The following PDZRN4 variants were observed in gnomAD, a reference collection of about 807,000 sequenced individuals.
PDZRN4 encodes the protein PDZ domain-containing RING finger protein 4.
In PDZRN4, 70 loss-of-function variants were observed where a neutral mutation model predicts 99.0. That is an observed-to-expected ratio of 0.71 (90% CI 0.58 to 0.86). The LOEUF is 0.86. Ranked by LOEUF, PDZRN4 falls within the 40% of genes least tolerant of loss-of-function variation. The probability of loss-of-function intolerance (pLI) is 0.00; values close to 1 mark genes in which losing one functional copy is unlikely to be tolerated. For synonymous variants in PDZRN4, 551 were observed against 501.6 expected (o/e 1.10, Z -1.32); for missense variants, 1,474 against 1,331.2 (o/e 1.11, Z -1.67).
chr12:41,491,448 T>TGA (rs1274037481), intron 3 of PDZRN4, among the ~76,000 whole-genome samples: 2 of 152,006 alleles, frequency 1.3e-5, no homozygotes, highest in African/African-American at 4.8e-5. Flanking sequence ...CTTGAACCTG[T>TGA]GAGGTGGAGG....
chr12:41,507,340 T>G (rs1017907066), intron 4 of PDZRN4, among the ~76,000 whole-genome samples: 12 of 152,184 alleles, frequency 7.9e-5, no homozygotes, highest in Non-Finnish European at 1.6e-4. Context: ...AGAGAGATTT[T>G]ATTCAAATAA....
chr12:41,546,702 A>T (rs2042404185), intron 5 of PDZRN4, among the ~76,000 whole-genome samples: 1 of 152,202 alleles, frequency 6.6e-6, no homozygotes, highest in Admixed American at 6.5e-5. Flanking sequence ...GCATAAGGAG[A>T]CAGGAGTGAG....
chr12:41,497,074 T>G (rs1230879099), intron 3 of PDZRN4, among the ~76,000 whole-genome samples: 2 of 152,146 alleles, frequency 1.3e-5, no homozygotes, highest in Admixed American at 6.6e-5. Flanking sequence ...AATAGGTATT[T>G]TCCAGCTAGT....
At chr12:41,202,935 A>G (rs781237888) in intron 3 of PDZRN4, among the ~76,000 whole-genome samples, 7 of 152,056 alleles carry the variant, frequency 4.6e-5, no homozygotes, top group Non-Finnish European at 1.0e-4. Flanking sequence ...AGGTGATTTG[A>G]TGTTTTATTT....
chr12:41,313,863 T>A (rs1048104652), intron 3 of PDZRN4, among the ~76,000 whole-genome samples: 2 of 152,228 alleles, frequency 1.3e-5, no homozygotes, highest in African/African-American at 2.4e-5. Context: ...CTACCATCTG[T>A]ATTCTCCAAA....
intron 3 of PDZRN4, among the ~76,000 whole-genome samples, chr12:41,369,447 C>T (rs1232933718): frequency 6.6e-6 from 1 of 151,968 alleles, no homozygotes; most frequent in Non-Finnish European, 1.5e-5. Flanking sequence ...TTCTTTGTTG[C>T]TAATAACCCT....
chr12:41,204,473 G>C (rs1950835359), intron 3 of PDZRN4, among the ~76,000 whole-genome samples: 1 of 152,118 alleles, frequency 6.6e-6, no homozygotes, highest in South Asian at 2.1e-4. Context: ...TTTGGAGCCT[G>C]TATTAGTCCA....
chr12:41,510,858 T>A (rs541657648), intron 5 of PDZRN4, among the ~76,000 whole-genome samples: 134 of 152,236 alleles, frequency 8.8e-4, no homozygotes, highest in African/African-American at 2.5e-3. Flanking sequence ...CAGAAATCAT[T>A]ATTTCTTTGC....
intron 7 of PDZRN4, among the ~76,000 whole-genome samples, chr12:41,562,531 T>C (rs1190760183): frequency 1.3e-5 from 2 of 152,160 alleles, no homozygotes; most frequent in African/African-American, 2.4e-5. Context: ...ATCTCTTTAA[T>C]TGGAATTTCT....
At chr12:41,430,126 A>T (rs572117132) in intron 3 of PDZRN4, among the ~76,000 whole-genome samples, 29 of 152,214 alleles carry the variant, frequency 1.9e-4, no homozygotes, top group Admixed American at 9.8e-4. Context: ...AGATGCCATT[A>T]TTGGTTTCTA....
chr12:41,346,237 C>A (rs1031467310), intron 3 of PDZRN4, among the ~76,000 whole-genome samples: 1 of 152,044 alleles, frequency 6.6e-6, no homozygotes, highest in African/African-American at 2.4e-5. Flanking sequence ...CCGAGGCGGG[C>A]AGATCACGAG....
intron 3 of PDZRN4, among the ~76,000 whole-genome samples, chr12:41,433,605 A>T (rs779473233): frequency 2.6e-5 from 4 of 152,320 alleles, no homozygotes; most frequent in Admixed American, 6.5e-5. Context: ...GGGTAAAGAG[A>T]GGGTAATCAA....
At chr12:41,419,631 A>G (rs1952473662) in intron 3 of PDZRN4, among the ~76,000 whole-genome samples, 2 of 152,138 alleles carry the variant, frequency 1.3e-5, no homozygotes, top group East Asian at 3.9e-4. Flanking sequence ...CTTTCTCACC[A>G]TGGGGGTTTT....
chr12:41,333,236 G>A (rs1258205563), intron 3 of PDZRN4, among the ~76,000 whole-genome samples: 1 of 152,120 alleles, frequency 6.6e-6, no homozygotes, highest in Non-Finnish European at 1.5e-5. Context: ...ACAGGTCATC[G>A]TGGGTCTCTG....
rs559763667 is a variant in PDZRN4, at chr12:41,573,782, G to T, written c.3003G>T (p.Lys1001Asn). The part of the protein sequence containing the change: ...SHKKMMKKRN[K>N]KILDNWMTIQ... ...AAAAGATGATGAAAAAGAGAAACAAGAAAATTTTGGACAACTGGATGACAA... is the reference window on the plus strand; with the variant it reads ...AAAAGATGATGAAAAAGAGAAACAATAAAATTTTGGACAACTGGATGACAA... The change falls in exon 10 of 10, where the codon AAG (lysine) becomes AAT (asparagine). Residue 1001 changes from lysine to asparagine, a missense_variant. By Grantham distance (94) the Lys-to-Asn change is moderately conservative (BLOSUM62 0). Coordinates refer to ENST00000402685, the MANE Select transcript of PDZRN4 (RefSeq NM_001164595.2). The T allele has an allele frequency of 1.9e-6, 3 of 1,613,662 alleles. No individual in the cohort carries two copies. The highest frequency in any genetic ancestry group is 1.7e-5 in the Admixed American group (1 of 59,940).
intron 7 of PDZRN4, among the ~76,000 whole-genome samples, chr12:41,562,731 T>C (rs911410688): frequency 6.6e-6 from 1 of 152,110 alleles, no homozygotes; most frequent in Non-Finnish European, 1.5e-5. Context: ...TTACTTTTTC[T>C]TTAGAACTTA....
chr12:41,189,572 C>G (rs1950722608), intron 1 of PDZRN4, among the ~76,000 whole-genome samples: 1 of 152,174 alleles, frequency 6.6e-6, no homozygotes, highest in African/African-American at 2.4e-5. Context: ...GCACGCACAC[C>G]TGGGACTGGT....
chr12:41,394,605 C>T (rs991581439), intron 3 of PDZRN4, among the ~76,000 whole-genome samples: 1 of 152,144 alleles, frequency 6.6e-6, no homozygotes, highest in South Asian at 2.1e-4. Context: ...GCTGCAATCG[C>T]ATCTGAAGAT....
At chr12:41,549,041 T>C (rs1325373607) in intron 5 of PDZRN4, among the ~76,000 whole-genome samples, 1 of 152,132 alleles carries the variant, frequency 6.6e-6, no homozygotes, top group African/African-American at 2.4e-5. Flanking sequence ...TCAAAATAAA[T>C]GTAGTTTCAC....
Sources: gnomAD v4.1 joint callset for allele counts (sites outside exome capture counted in the v4.1 genomes callset) on GRCh38, gnomAD v4.1.1 for gene constraint, MANE v1.5 for transcripts, NCBI Gene and HGNC (gene_info 2026-07-23, HGNC 2026-07-21) for gene names.